The following POTEJ variants were observed in gnomAD, a reference collection of about 807,000 sequenced individuals.
POTEJ encodes POTE ankyrin domain family, member J.
In POTEJ, 11 loss-of-function variants were observed where a neutral mutation model predicts 69.0. The ratio of observed to expected loss-of-function variants is 0.16; its 90% CI spans 0.10 to 0.26. The LOEUF (loss-of-function observed/expected upper bound fraction) is 0.26, where lower values mean the gene tolerates loss of function less well. POTEJ is among the 10% of genes least tolerant of loss of function. The pLI, the probability that POTEJ is intolerant of heterozygous loss-of-function variation, is 1.00. For missense variants in POTEJ, 327 were observed against 1,045.5 expected (o/e 0.31, Z 9.48); for synonymous variants, 117 against 381.1 (o/e 0.31, Z 8.07).
At chr2:130,627,311 G>A (rs1326031170) in intron 6 of POTEJ, among the ~76,000 whole-genome samples, 1 of 150,568 alleles carries the variant, frequency 6.6e-6, no homozygotes, top group Non-Finnish European at 1.5e-5. Flanking sequence ...TCTGAAAGTT[G>A]ATGATAAATG....
chr2:130,629,102 A>G (rs1192522938), intron 6 of POTEJ, among the ~76,000 whole-genome samples: 7 of 152,086 alleles, frequency 4.6e-5, no homozygotes, highest in African/African-American at 1.5e-4. Flanking sequence ...GACATTGTAC[A>G]CTAATAAAGG....
At chr2:130,630,709 A>G (rs1164021236) in intron 7 of POTEJ, among the ~76,000 whole-genome samples, 3 of 144,980 alleles carry the variant, frequency 2.1e-5, no homozygotes, top group Non-Finnish European at 4.5e-5. Context: ...CACAAACACA[A>G]TAACATTCTA....
chr2:130,625,747 G>A lies in POTEJ; in HGVS notation c.1015+1613G>A, dbSNP rs1206048157. On this transcript the variant is annotated intron_variant, in intron 6 of 14. Coordinates refer to ENST00000409602, the MANE Select transcript of POTEJ (RefSeq NM_001277083.2). The stretch of plus-strand genomic sequence containing the variant: ...CAGTTCACTTTTGCTAGTACCAAAA[G>A]TGTGAGATACCAGAAGTTGGGAGTG... Among the ~76,000 whole-genome samples, 4 of 141,500 alleles carry A rather than the reference G, an allele frequency of 2.8e-5. 1 individual carries two copies. The highest frequency in any genetic ancestry group is 3.9e-4 in the East Asian group (2 of 5,172). The allele number at this position is 141,500 out of a possible 152,430, so 92.8% of individuals were successfully genotyped here.
intron 10 of POTEJ, among the ~76,000 whole-genome samples, chr2:130,642,021 A>C (rs1203647060): frequency 3.3e-5 from 5 of 151,310 alleles, no homozygotes; most frequent in African/African-American, 9.7e-5. Flanking sequence ...AAGAAAGAGC[A>C]AGGAGCGTAT....
At chr2:130,613,244 AC>A (rs1685280456) in intron 1 of POTEJ, among the ~76,000 whole-genome samples, 1 of 137,838 alleles carries the variant, frequency 7.3e-6, no homozygotes, top group African/African-American at 2.7e-5. Context: ...ACATATATAT[AC>A]ATATATATAC....
intron 10 of POTEJ, among the ~76,000 whole-genome samples, chr2:130,641,382 G>A (rs1430297459): frequency 1.1e-4 from 16 of 148,938 alleles, no homozygotes; most frequent in East Asian, 1.9e-4. Flanking sequence ...GTTGGCCTTC[G>A]TTATGCCTTT....
At chr2:130,629,160 A>G (rs1445284247) in intron 6 of POTEJ, among the ~76,000 whole-genome samples, 7 of 150,700 alleles carry the variant, frequency 4.6e-5, no homozygotes, top group Non-Finnish European at 8.9e-5. Flanking sequence ...ATTGTTGCAG[A>G]AAACAGGAAG....
chr2:130,626,876 T>G (rs1685729382), intron 6 of POTEJ, among the ~76,000 whole-genome samples: 1 of 152,190 alleles, frequency 6.6e-6, no homozygotes, highest in South Asian at 2.1e-4. Context: ...TTAATTTTTT[T>G]TCATGTAAGA....
intron 11 of POTEJ, among the ~76,000 whole-genome samples, chr2:130,644,526 C>A (rs866055500): frequency 1.3e-5 from 2 of 152,254 alleles, no homozygotes; most frequent in African/African-American, 4.8e-5. Context: ...ATAAAATCAG[C>A]AACCTTGTTA....
At chr2:130,618,601 G>C (rs76830209) in intron 3 of POTEJ, among the ~76,000 whole-genome samples, 4,778 of 145,152 alleles carry the variant, frequency 0.033, 71 homozygotes, top group Non-Finnish European at 0.05. Context: ...CAACAACGAC[G>C]ACGACAACAA....
At chr2:130,611,194 G>T, upstream of POTEJ, among the ~76,000 whole-genome samples, 1 of 140,026 alleles carries the variant, frequency 7.1e-6, no homozygotes, top group African/African-American at 2.8e-5. Context: ...TCCTTGGATT[G>T]ACGTTTCCTC....
chr2:130,633,067 G>A (rs1441473643), intron 9 of POTEJ, among the ~76,000 whole-genome samples: 2 of 145,124 alleles, frequency 1.4e-5, no homozygotes, highest in East Asian at 3.8e-4. Context: ...GTAGACCCTG[G>A]TGCCTGTTAT....
chr2:130,620,553 G>A (rs1314408529), intron 4 of POTEJ, among the ~76,000 whole-genome samples: 2 of 150,858 alleles, frequency 1.3e-5, no homozygotes, highest in Non-Finnish European at 2.9e-5. Context: ...AACATAAATA[G>A]GGGTTGAAAA....
intron 1 of POTEJ, among the ~76,000 whole-genome samples, chr2:130,612,693 G>A (rs1471635953): frequency 3.6e-5 from 5 of 137,056 alleles, no homozygotes; most frequent in Admixed American, 2.9e-4. Context: ...AACTCGGGAG[G>A]CGGAGCTTGC....
At position 130,611,555 on chromosome 2, in the gene POTEJ, T is replaced by G. The variant is rs1457200706; in HGVS notation, c.23T>G (p.Met8Arg). ...CAGATGGTAGCTGAGGTTGATTCAATGCCGGCTGCCTCTTCTGTGAAGAAG... is the reference window on the plus strand; with the variant it reads ...CAGATGGTAGCTGAGGTTGATTCAAGGCCGGCTGCCTCTTCTGTGAAGAAG... MVAEVDSMPAASSVKKPF... is the reference protein window; with the variant it reads MVAEVDSRPAASSVKKPF... The change falls in exon 1 of 15, where the codon ATG (methionine) becomes AGG (arginine). Residue 8 changes from methionine (M) to arginine (R), a missense_variant. Physicochemically the swap from Met to Arg is moderately conservative, Grantham distance 91. Coordinates refer to ENST00000409602, the MANE Select transcript of POTEJ (RefSeq NM_001277083.2). 1.1e-6 allele frequency: 1 copy of G among 914,470 alleles called. No individual in the cohort carries two copies. Among genetic ancestry groups the G allele is most frequent in the East Asian group, 2.5e-5 (1 of 40,530 alleles). The allele number at this position is 914,470 out of a possible 1,614,324, so 56.6% of individuals were successfully genotyped here.
intron 1 of POTEJ, among the ~76,000 whole-genome samples, chr2:130,614,122 A>G (rs1219960170): frequency 7.7e-6 from 1 of 129,994 alleles, no homozygotes; most frequent in Non-Finnish European, 1.6e-5. Context: ...GCGCCACTAC[A>G]TTCCAGCCTG....
chr2:130,613,384 G>GTGTGTGTA, intron 1 of POTEJ, among the ~76,000 whole-genome samples: 1 of 83,558 alleles, frequency 1.2e-5, no homozygotes, highest in African/African-American at 4.6e-5. Flanking sequence ...GTGTGTGTGT[G>GTGTGTGTA]TATATATATA....
rs1290395169 is a variant in POTEJ at position 130,657,440 on chromosome 2, G to T, written c.2680G>T (p.Ala894Ser). 5 of 1,599,098 alleles carry T rather than the reference G, an allele frequency of 3.1e-6. No individual in the cohort carries two copies. In the Admixed American group the frequency reaches 5.0e-5, roughly 16 times the overall value. ...LDFEQEMAMV[A>S]SSSSLEKSYE... ...CTTCGAGCAGGAGATGGCCATGGTG[G>T]CCTCCAGCTCCTCCCTAGAGAAGAG... The change falls in exon 15 of 15, where the codon GCC becomes TCC. Residue 894 changes from alanine to serine, a missense_variant. By Grantham distance (99) the Ala-to-Ser change is moderately conservative. Transcript: ENST00000409602.
intron 14 of POTEJ, among the ~76,000 whole-genome samples, chr2:130,655,789 T>A (rs1444749255): frequency 9.2e-6 from 1 of 108,548 alleles, no homozygotes; most frequent in Non-Finnish European, 1.9e-5. Context: ...ACCACAGAAG[T>A]AAGTGTGATT....
Sources: allele counts gnomAD v4.1 joint callset (sites outside exome capture counted in the v4.1 genomes callset), GRCh38; gene constraint gnomAD v4.1.1; transcripts MANE v1.5; gene names NCBI Gene and HGNC (gene_info 2026-07-23, HGNC 2026-07-21).